ARHGEF12: variants seen among roughly 807,000 people sequenced by gnomAD.
ARHGEF12 encodes KMT2A/ARHGEF12 fusion protein.
In ARHGEF12, 66 loss-of-function variants were observed where a neutral mutation model predicts 211.2. That is an observed-to-expected ratio of 0.31 (90% CI 0.26 to 0.38). ARHGEF12 has a LOEUF of 0.38. ARHGEF12 is among the 10% of genes least tolerant of loss of function. The pLI, the probability that ARHGEF12 is intolerant of heterozygous loss-of-function variation, is 1.00. For synonymous variants in ARHGEF12, 592 were observed against 638.4 expected, an observed-to-expected ratio of 0.93 and a Z score of 1.09; for missense variants, 1,429 against 1,869.5, an observed-to-expected ratio of 0.76 and a Z score of 4.34.
chr11:120,414,253 T>C (rs1944965114), intron 4 of ARHGEF12, among the ~76,000 whole-genome samples: 1 of 152,174 alleles, frequency 6.6e-6, no homozygotes, highest in Non-Finnish European at 1.5e-5. Context: ...AGACAGGAAA[T>C]AAAGTTTGTT....
At chr11:120,458,345 T>A in intron 25 of ARHGEF12, 111 bp downstream of exon 25, 2 of 1,272,646 alleles carry the variant, frequency 1.6e-6, no homozygotes, top group Non-Finnish European at 2.2e-6. Context: ...CCTTTTGTTT[T>A]AAACAAAGAG....
At position 120,374,220 on chromosome 11, in the gene ARHGEF12, A is replaced by G. The variant is rs182244947; in HGVS notation, c.33-31898A>G. On this transcript the variant is annotated intron_variant, in intron 1 of 40. Transcript: ENST00000397843. ...CCTATGATCATTTCAGAGTATAACCATTGTTTAGTGTAGGAGAGATGTTAT... is the reference window on the plus strand; with the variant it reads ...CCTATGATCATTTCAGAGTATAACCGTTGTTTAGTGTAGGAGAGATGTTAT... Among the ~76,000 whole-genome samples, 399 of 152,152 alleles carry G rather than the reference A, an allele frequency of 2.6e-3. 5 individuals carry two copies. Among genetic ancestry groups the G allele is most frequent in the Admixed American group, 0.02 (304 of 15,276 alleles).
At position 120,467,553 on chromosome 11, in the gene ARHGEF12, C is replaced by A. The variant is rs188313150; in HGVS notation, c.2854+245C>A. Among the ~76,000 whole-genome samples the A allele has an allele frequency of 2.5e-3, 369 of 150,500 alleles. 4 individuals are homozygous for A. Among genetic ancestry groups the A allele is most frequent in the African/African-American group, 8.7e-3 (354 of 40,906 alleles). ...AAACTCCTCGGCTCAGGCATTCCTT[C>A]CACCTCAGCTTCCCGAACAGCTGGG... On this transcript the variant is annotated intron_variant, in intron 29 of 40. Coordinates refer to ENST00000397843, the MANE Select transcript of ARHGEF12 (RefSeq NM_015313.3).
intron 1 of ARHGEF12, among the ~76,000 whole-genome samples, chr11:120,363,685 C>T (rs1449621260): frequency 2.0e-5 from 3 of 152,146 alleles, no homozygotes; most frequent in Non-Finnish European, 4.4e-5. Context: ...AATATGAACT[C>T]ACTTCTTGGC....
chr11:120,483,116 T>C (rs919962375), intron 39 of ARHGEF12, among the ~76,000 whole-genome samples: 1 of 152,180 alleles, frequency 6.6e-6, no homozygotes, highest in East Asian at 1.9e-4. Context: ...AGATAGAATA[T>C]ATCTTTATTT....
Position 120,481,525 on chromosome 11 carries a change from C to T in ARHGEF12, c.4503C>T (p.Ser1501=), listed in dbSNP as rs1272523251. The change falls in exon 39 of 41, where the codon AGC becomes AGT. Residue 1501 remains serine, a synonymous_variant. Transcript: ENST00000397843. ...QSPSSCADSQ[S]QIMEYIHKIE... ...CCTCCTCTTGTGCAGATTCACAGAG[C>T]CAGATCATGGAGTACATTCATAAGA... 1.8e-5 allele frequency: 29 copies of T among 1,614,000 alleles called. No homozygotes were observed. In the Admixed American group the frequency reaches 4.8e-4, roughly 27 times the overall value.
rs181565539 is a variant in ARHGEF12, at chr11:120,347,688, C to G, written c.32+10413C>G. ...AGGCCTGAAAGCCTCCATTTTGATT[C>G]AAGATGTCGTAGATTTTATGAGCAT... On this transcript the variant is annotated intron_variant, in intron 1 of 40. Transcript: ENST00000397843. Among the ~76,000 whole-genome samples, 37 of 152,258 alleles carry G rather than the reference C, an allele frequency of 2.4e-4. No homozygotes were observed. The East Asian group carries it at 6.4e-3, about 26-fold the overall frequency.
chr11:120,400,813 T>C (rs1382661959), intron 1 of ARHGEF12, among the ~76,000 whole-genome samples: 3 of 152,332 alleles, frequency 2.0e-5, no homozygotes, highest in East Asian at 1.9e-4. Context: ...CTGTTGTGCA[T>C]GTAAGCTCTT....
Position 120,336,952 on chromosome 11 carries a change from C to T in ARHGEF12, c.-292C>T. On this transcript the variant is annotated 5_prime_UTR_variant, in exon 1 of 41. Coordinates refer to ENST00000397843, the MANE Select transcript of ARHGEF12 (RefSeq NM_015313.3). ...TCCCACTGCGCGCGGATTTCCCTCTCTGAGGAAGTTTATCCTTGTGCCTTC... is the reference window on the plus strand; with the variant it reads ...TCCCACTGCGCGCGGATTTCCCTCTTTGAGGAAGTTTATCCTTGTGCCTTC... 2.2e-6 allele frequency: 1 copy of T among 448,504 alleles called. No individual in the cohort carries two copies. The highest frequency in any genetic ancestry group is 3.9e-6 in the Non-Finnish European group (1 of 255,418). The allele number at this position is 448,504 out of a possible 1,614,324, so 27.8% of individuals were successfully genotyped here. A position where few individuals can be genotyped will look rare whatever the true frequency, so the allele number is the denominator to read the frequency against.
At chr11:120,365,789 A>C (rs948726761) in intron 1 of ARHGEF12, 13 of 152,196 alleles carry the variant, frequency 8.5e-5, no homozygotes, top group African/African-American at 3.1e-4. Flanking sequence ...TTCTGAAGCA[A>C]TAAGCTTGGT....
intron 22 of ARHGEF12, among the ~76,000 whole-genome samples, chr11:120,455,896 A>G (rs1331129058): frequency 2.0e-5 from 3 of 152,256 alleles, no homozygotes; most frequent in Non-Finnish European, 2.9e-5. Flanking sequence ...AAAATAAGTC[A>G]TGATTTAAAC....
chr11:120,442,629 G>T lies in ARHGEF12; in HGVS notation c.1302+427G>T, dbSNP rs1460324201. On this transcript the variant is annotated intron_variant, in intron 15 of 40. Transcript: ENST00000397843. Reference sequence around the variant, plus strand: ...GAGGCATAATTTTAACTAAAAAGTGGCAGAAAAGATTTCACTTACACTGAA... The same window carrying T: ...GAGGCATAATTTTAACTAAAAAGTGTCAGAAAAGATTTCACTTACACTGAA... Among the ~76,000 whole-genome samples the T allele has an allele frequency of 2.0e-5, 3 of 151,930 alleles. No homozygotes were observed. The East Asian group carries it at 5.8e-4, about 29-fold the overall frequency.
rs143474219 is a variant in ARHGEF12 at position 120,467,122 on chromosome 11, C to T, written c.2740-72C>T. On this transcript the variant is annotated intron_variant, in intron 28 of 40. Transcript: ENST00000397843. ...CCAGAACTGTGATGCATTAAACCCT[C>T]ACGGTGAATACATGGTACATGTATA... 1,116 of 957,206 alleles carry T rather than the reference C, an allele frequency of 1.2e-3. 4 individuals carry two copies. The highest frequency in any genetic ancestry group is 8.9e-3 in the Middle Eastern group (36 of 4,044). The allele number at this position is 957,206 out of a possible 1,614,324, so 59.3% of individuals were successfully genotyped here.
intron 10 of ARHGEF12, among the ~76,000 whole-genome samples, chr11:120,431,565 T>C (rs1268339240): frequency 6.6e-6 from 1 of 152,222 alleles, no homozygotes; most frequent in Admixed American, 6.5e-5. Flanking sequence ...GCCCTGTCTT[T>C]AAGGTCATGA....
chr11:120,471,556 CT>C (rs1250591149), intron 30 of ARHGEF12, among the ~76,000 whole-genome samples: 1 of 152,072 alleles, frequency 6.6e-6, no homozygotes, highest in Non-Finnish European at 1.5e-5. Flanking sequence ...TGTGTAAGCA[CT>C]TGTCAAAATT....
intron 7 of ARHGEF12, among the ~76,000 whole-genome samples, chr11:120,425,098 C>T (rs1235134007): frequency 6.6e-6 from 1 of 152,116 alleles, no homozygotes; most frequent in Admixed American, 6.5e-5. Context: ...ATTCACGAAC[C>T]TCGAGCTGGC....
At chr11:120,393,675 A>T (rs1003909210) in intron 1 of ARHGEF12, among the ~76,000 whole-genome samples, 2 of 152,224 alleles carry the variant, frequency 1.3e-5, no homozygotes, top group African/African-American at 4.8e-5. Flanking sequence ...CATGTAACAA[A>T]AGCTGACATA....
intron 7 of ARHGEF12, 138 bp from the exon 8 acceptor site, chr11:120,427,931 G>C: frequency 1.6e-6 from 1 of 612,704 alleles, no homozygotes; most frequent in African/African-American, 1.9e-5. Flanking sequence ...GTGGAGACAT[G>C]ATGTAGCAGA....
rs185123631 is a variant in ARHGEF12 at position 120,483,914 on chromosome 11, C to T, written c.4555-524C>T. 2.3e-3 allele frequency among the ~76,000 whole-genome samples: 357 copies of T among 152,228 alleles called. 3 individuals carry two copies. The highest frequency in any genetic ancestry group is 8.3e-3 in the African/African-American group (344 of 41,580). On this transcript the variant is annotated intron_variant, in intron 39 of 40. Transcript: ENST00000397843. The stretch of plus-strand genomic sequence containing the variant: ...CAGGCGTGAGCCACCGCGCCCAGTC[C>T]CAGCTAATTTTTATAATTTTAGTAG...
Sources: allele counts gnomAD v4.1 joint callset (sites outside exome capture counted in the v4.1 genomes callset), GRCh38; gene constraint gnomAD v4.1.1; transcripts MANE v1.5; gene names NCBI Gene and HGNC (gene_info 2026-07-23, HGNC 2026-07-21).